The following ANKS1B variants were observed in gnomAD, a reference collection of about 807,000 sequenced individuals.
The protein encoded by ANKS1B is ankyrin repeat and sterile alpha motif domain-containing protein 1B.
In ANKS1B, 36 loss-of-function variants were observed where a neutral mutation model predicts 148.3. That is an observed-to-expected ratio of 0.24 (90% CI 0.19 to 0.32). ANKS1B has a LOEUF of 0.32. ANKS1B is among the 10% of genes least tolerant of loss of function. ANKS1B has a pLI of 1.00. For missense variants in ANKS1B, 1,157 were observed against 1,542.6 expected (o/e 0.75, Z 4.19); for synonymous variants, 542 against 560.8 (o/e 0.97, Z 0.47).
intron 15 of ANKS1B, among the ~76,000 whole-genome samples, chr12:99,133,934 T>C (rs2067036237): frequency 6.6e-6 from 1 of 152,198 alleles, no homozygotes; most frequent in Non-Finnish European, 1.5e-5. Flanking sequence ...CGTGACGGTT[T>C]CCACATGTGG....
At chr12:98,746,004 A>T (rs943821124) in intron 26 of ANKS1B, 155 bp from the exon 27 acceptor site, 45 of 712,452 alleles carry the variant, frequency 6.3e-5, no homozygotes, top group Non-Finnish European at 9.1e-5. Flanking sequence ...CTTTGGACAC[A>T]CATTTACCGC....
chr12:99,843,769 C>T (rs1434049407), intron 1 of ANKS1B, among the ~76,000 whole-genome samples: 3 of 151,990 alleles, frequency 2.0e-5, no homozygotes, highest in Non-Finnish European at 4.4e-5. Flanking sequence ...TAGGTATATA[C>T]CCAGTAATAG....
intron 15 of ANKS1B, among the ~76,000 whole-genome samples, chr12:99,085,481 T>C (rs547323722): frequency 6.6e-6 from 1 of 152,306 alleles, no homozygotes; most frequent in South Asian, 2.1e-4. Flanking sequence ...ATGAATCATT[T>C]TTCCCCCCTT....
intron 12 of ANKS1B, among the ~76,000 whole-genome samples, chr12:99,304,157 C>T (rs966196361): frequency 4.6e-5 from 7 of 151,976 alleles, no homozygotes; most frequent in South Asian, 4.1e-4. Context: ...ATCAAATGGT[C>T]GTTCTACTTT....
chr12:99,680,232 A>T (rs2153481520), intron 8 of ANKS1B, among the ~76,000 whole-genome samples: 1 of 152,274 alleles, frequency 6.6e-6, no homozygotes, highest in African/African-American at 2.4e-5. Flanking sequence ...CTCGAGGCCA[A>T]AAGTTCAAGA....
At chr12:99,168,835 T>C (rs983703800) in intron 14 of ANKS1B, among the ~76,000 whole-genome samples, 2 of 152,178 alleles carry the variant, frequency 1.3e-5, no homozygotes, top group Non-Finnish European at 2.9e-5. Flanking sequence ...GTGTATTGCA[T>C]AGCCATTGAA....
intron 9 of ANKS1B, among the ~76,000 whole-genome samples, chr12:99,571,366 GATATA>G (rs1462255961): frequency 7.3e-5 from 11 of 151,576 alleles, no homozygotes; most frequent in African/African-American, 1.7e-4. Context: ...TAGATAGAGA[GATATA>G]ATATATATTA....
chr12:99,412,620 G>A (rs1457107000), intron 11 of ANKS1B, among the ~76,000 whole-genome samples: 1 of 152,160 alleles, frequency 6.6e-6, no homozygotes, highest in African/African-American at 2.4e-5. Flanking sequence ...TTTCGCAAAT[G>A]CCTCAGGTAG....
At chr12:99,929,235 C>G (rs1313059162) in intron 1 of ANKS1B, among the ~76,000 whole-genome samples, 4 of 152,198 alleles carry the variant, frequency 2.6e-5, no homozygotes, top group Admixed American at 1.3e-4. Context: ...AATAACCACT[C>G]AGTTAAGAGA....
At chr12:99,572,616 G>C (rs1473099938) in intron 9 of ANKS1B, among the ~76,000 whole-genome samples, 1 of 151,908 alleles carries the variant, frequency 6.6e-6, no homozygotes, top group Non-Finnish European at 1.5e-5. Context: ...AGGTACTTGT[G>C]GGCTATTCAG....
intron 14 of ANKS1B, among the ~76,000 whole-genome samples, chr12:99,179,797 G>A (rs750511910): frequency 2.0e-5 from 3 of 152,142 alleles, no homozygotes; most frequent in Non-Finnish European, 4.4e-5. Context: ...CAACAGTGCT[G>A]ACATATGATA....
At chr12:99,693,928 G>A (rs571926723) in intron 8 of ANKS1B, among the ~76,000 whole-genome samples, 14 of 151,364 alleles carry the variant, frequency 9.2e-5, no homozygotes, top group East Asian at 4.0e-4. Context: ...CTACAGATGC[G>A]TGCCAACATG....
At chr12:99,101,029 T>C (rs1173602082) in intron 15 of ANKS1B, among the ~76,000 whole-genome samples, 1 of 152,156 alleles carries the variant, frequency 6.6e-6, no homozygotes, top group East Asian at 1.9e-4. Context: ...GTGGATCGGT[T>C]GCAGCATGAA....
intron 17 of ANKS1B, among the ~76,000 whole-genome samples, chr12:98,937,965 C>T (rs2099820339): frequency 1.3e-5 from 2 of 152,064 alleles, no homozygotes; most frequent in Non-Finnish European, 2.9e-5. Context: ...AGAACTCCCT[C>T]ACGATCACTA....
chr12:99,577,408 T>C (rs2097529443), intron 9 of ANKS1B, among the ~76,000 whole-genome samples: 1 of 149,876 alleles, frequency 6.7e-6, no homozygotes, highest in Non-Finnish European at 1.5e-5. Flanking sequence ...AAAACTGAGA[T>C]GTAAAAATCC....
intron 1 of ANKS1B, among the ~76,000 whole-genome samples, chr12:99,859,738 C>T (rs997024460): frequency 2.6e-5 from 4 of 151,934 alleles, no homozygotes; most frequent in Non-Finnish European, 4.4e-5. Context: ...CCTCTGCCTC[C>T]CAGGTTCAAG....
intron 9 of ANKS1B, among the ~76,000 whole-genome samples, chr12:99,529,369 C>T (rs1430213845): frequency 6.6e-6 from 1 of 152,122 alleles, no homozygotes; most frequent in African/African-American, 2.4e-5. Context: ...AAGCCATCAA[C>T]AAGTTGGGCG....
intron 9 of ANKS1B, among the ~76,000 whole-genome samples, chr12:99,517,824 TC>T (rs2096837036): frequency 6.6e-6 from 1 of 152,136 alleles, no homozygotes; most frequent in African/African-American, 2.4e-5. Context: ...TTTCAGTTTT[TC>T]CCCAGTCAGT....
At chr12:99,961,283 TGA>T (rs2095409583) in intron 1 of ANKS1B, among the ~76,000 whole-genome samples, 1 of 151,778 alleles carries the variant, frequency 6.6e-6, no homozygotes, top group East Asian at 1.9e-4. Flanking sequence ...ACAAATGAAG[TGA>T]GAGAATTTAA....
Sources: allele counts gnomAD v4.1 joint callset (sites outside exome capture counted in the v4.1 genomes callset), GRCh38; gene constraint gnomAD v4.1.1; transcripts MANE v1.5; gene names NCBI Gene and HGNC (gene_info 2026-07-23, HGNC 2026-07-21).